CFHR1: variants seen among roughly 807,000 people sequenced by gnomAD.
CFHR1 encodes complement factor H related 1.
A neutral mutation model predicts 30.4 loss-of-function variants in CFHR1; 22 were observed. That is an observed-to-expected ratio of 0.72 (90% CI 0.52 to 1.03). CFHR1 has a LOEUF of 1.03. CFHR1 is among the 50% of genes least tolerant of loss of function. The pLI is 0.00. For missense variants in CFHR1, 248 were observed against 380.6 expected (o/e 0.65, Z 2.90); for synonymous variants, 95 against 129.1 (o/e 0.74, Z 1.79).
Position 196,828,114 on chromosome 1 carries a change from C to CAG in CFHR1, c.475_476insAG (p.Leu159GlnfsTer6), listed in dbSNP as rs1558214959. 1.1e-5 allele frequency: 14 copies of CAG among 1,263,046 alleles called. No homozygotes were observed. Among genetic ancestry groups the CAG allele is most frequent in the Admixed American group, 8.7e-5 (4 of 45,950 alleles). The allele number at this position is 1,263,046 out of a possible 1,614,324, so 78.2% of individuals were successfully genotyped here. On this transcript the variant is annotated frameshift_variant, in exon 4 of 6. Coordinates refer to ENST00000320493, the MANE Select transcript of CFHR1 (RefSeq NM_002113.3). LOFTEE classifies it high-confidence loss of function. ...GCCCACAGTACAAAATGCTCATATA[C>CAG]TGTCGAGACAGATGAGTAAATATCC...
intron 4 of CFHR1, among the ~76,000 whole-genome samples, chr1:196,829,569 T>G (rs1429553916): frequency 7.4e-6 from 1 of 134,540 alleles, no homozygotes. Flanking sequence ...CCTTTACTTG[T>G]AAAAGATCGT....
rs769853519 is a variant in CFHR1 at position 196,827,596 on chromosome 1, T to G, written c.431-474T>G. On this transcript the variant is annotated intron_variant, in intron 3 of 5. Coordinates refer to ENST00000320493, the MANE Select transcript of CFHR1 (RefSeq NM_002113.3). ...TTTTCAAAATGTGTTTTTAAATCTT[T>G]GCTTATTCACTAAGAAAATGCCTAT... 1.5e-5 allele frequency among the ~76,000 whole-genome samples: 2 copies of G among 136,212 alleles called. 1 individual carries two copies. The highest frequency in any genetic ancestry group is 6.2e-5 in the African/African-American group (2 of 32,090). 89.4% of individuals were successfully genotyped at this position (136,212 alleles called of 152,430 possible). A position where few individuals can be genotyped will look rare whatever the true frequency, so the allele number is the denominator to read the frequency against.
intron 4 of CFHR1, among the ~76,000 whole-genome samples, chr1:196,830,266 C>A (rs1407859575): frequency 3.0e-5 from 4 of 134,868 alleles, no homozygotes; most frequent in Non-Finnish European, 6.2e-5. Flanking sequence ...TCCTGATCTA[C>A]CATAAGCAGC....
chr1:196,823,343 G>A (rs554204235), intron 1 of CFHR1, among the ~76,000 whole-genome samples: 2 of 134,572 alleles, frequency 1.5e-5, no homozygotes, highest in Non-Finnish European at 3.1e-5. Context: ...AATGGTTGAT[G>A]AAAACCAAGT....
intron 5 of CFHR1, 128 bp downstream of exon 5, chr1:196,830,810 CT>C: frequency 2.3e-6 from 3 of 1,283,214 alleles, no homozygotes; most frequent in Non-Finnish European, 3.2e-6. Flanking sequence ...CCAAAAATTT[CT>C]TTTAGAAAGT....
Position 196,828,762 on chromosome 1 carries a change from T to C in CFHR1, c.607+516T>C, listed in dbSNP as rs1161206192. 1.6e-5 allele frequency among the ~76,000 whole-genome samples: 2 copies of C among 129,028 alleles called. 1 individual carries two copies. 84.6% of individuals were successfully genotyped at this position (129,028 alleles called of 152,430 possible). A position where few individuals can be genotyped will look rare whatever the true frequency, so the allele number is the denominator to read the frequency against. On this transcript the variant is annotated intron_variant, in intron 4 of 5. Coordinates refer to ENST00000320493, the MANE Select transcript of CFHR1 (RefSeq NM_002113.3). Reference sequence around the variant, plus strand: ...CCAGAAAAGGAAATTGTATCTTACTTACCTTTATGTTTTAAAATTAATGTT... The same window carrying C: ...CCAGAAAAGGAAATTGTATCTTACTCACCTTTATGTTTTAAAATTAATGTT...
At chr1:196,824,071 C>T (rs1655226279) in intron 1 of CFHR1, among the ~76,000 whole-genome samples, 1 of 133,390 alleles carries the variant, frequency 7.5e-6, no homozygotes, top group Non-Finnish European at 1.6e-5. Flanking sequence ...ATATCTTGCA[C>T]CATAGTGTGT....
rs1655157919 is a variant in CFHR1, at chr1:196,822,562, T to G, written c.58+2660T>G. On this transcript the variant is annotated intron_variant, in intron 1 of 5. Transcript: ENST00000320493. ...TTAAAAACAGACACAAACACACACA[T>G]TAACCTCGGCCTACAAAGAGTCAGG... Among the ~76,000 whole-genome samples, 2 of 133,490 alleles carry G rather than the reference T, an allele frequency of 1.5e-5. 1 individual carries two copies. The highest frequency in any genetic ancestry group is 5.2e-4 in the South Asian group (2 of 3,826). The allele number at this position is 133,490 out of a possible 152,430, so 87.6% of individuals were successfully genotyped here. A position where few individuals can be genotyped will look rare whatever the true frequency, so the allele number is the denominator to read the frequency against.
intron 1 of CFHR1, among the ~76,000 whole-genome samples, chr1:196,824,160 C>A (rs1655230929): frequency 7.4e-6 from 1 of 134,784 alleles, no homozygotes; most frequent in Non-Finnish European, 1.6e-5. Flanking sequence ...CCACCCCCAG[C>A]AGATACCAAA....
At chr1:196,828,804 T>C (rs1655437299) in intron 4 of CFHR1, among the ~76,000 whole-genome samples, 1 of 132,622 alleles carries the variant, frequency 7.5e-6, no homozygotes, top group Non-Finnish European at 1.6e-5. Flanking sequence ...TGTTTTTTTT[T>C]TTTTTTCACT....
At chr1:196,823,801 C>A (rs750369727) in intron 1 of CFHR1, among the ~76,000 whole-genome samples, 1 of 134,590 alleles carries the variant, frequency 7.4e-6, no homozygotes, top group Non-Finnish European at 1.6e-5. Context: ...ACCCATAGAA[C>A]GTACAACATC....
chr1:196,826,170 G>GA (rs1296922689), intron 2 of CFHR1: 10 of 136,992 alleles, frequency 7.3e-5, no homozygotes, highest in East Asian at 3.8e-4. Flanking sequence ...TGTATTAAAA[G>GA]AAAAAAAAAT....
At chr1:196,829,605 G>C (rs1475560072) in intron 4 of CFHR1, among the ~76,000 whole-genome samples, 1 of 134,774 alleles carries the variant, frequency 7.4e-6, no homozygotes, top group Non-Finnish European at 1.6e-5. Flanking sequence ...ATTTGGAGTT[G>C]ACAGTTCTTT....
Position 196,830,229 on chromosome 1 carries a change from G to T in CFHR1, c.608-271G>T, listed in dbSNP as rs566291635. Among the ~76,000 whole-genome samples, 5 of 135,284 alleles carry T rather than the reference G, an allele frequency of 3.7e-5. No homozygotes were observed. The East Asian group carries it at 9.8e-4, about 27-fold the overall frequency. The allele number at this position is 135,284 out of a possible 152,430, so 88.8% of individuals were successfully genotyped here. A position where few individuals can be genotyped will look rare whatever the true frequency, so the allele number is the denominator to read the frequency against. ...TGTCATAGTTTTCTATGTTTAGCATGTATTCATTCGGAAAGATATTTCTTA... is the reference window on the plus strand; with the variant it reads ...TGTCATAGTTTTCTATGTTTAGCATTTATTCATTCGGAAAGATATTTCTTA... On this transcript the variant is annotated intron_variant, in intron 4 of 5. Coordinates refer to ENST00000320493, the MANE Select transcript of CFHR1 (RefSeq NM_002113.3).
intron 1 of CFHR1, among the ~76,000 whole-genome samples, chr1:196,822,417 T>C (rs775894195): frequency 7.7e-6 from 1 of 130,496 alleles, no homozygotes; most frequent in Non-Finnish European, 1.6e-5. Context: ...TCTTTCGAGA[T>C]AATATTTAGC....
chr1:196,830,418 G>C lies in CFHR1; in HGVS notation c.608-82G>C, dbSNP rs181715360. 9 of 1,361,368 alleles carry C rather than the reference G, an allele frequency of 6.6e-6. No individual in the cohort carries two copies. The East Asian group carries it at 1.8e-4, about 27-fold the overall frequency. The allele number at this position is 1,361,368 out of a possible 1,614,324, so 84.3% of individuals were successfully genotyped here. On this transcript the variant is annotated intron_variant, in intron 4 of 5. Transcript: ENST00000320493. Reference sequence around the variant, plus strand: ...CAAAACTGTTGATATTATATAAAGTGCTGTGTTTGTATTTGCCTTATTTGA... The same window carrying C: ...CAAAACTGTTGATATTATATAAAGTCCTGTGTTTGTATTTGCCTTATTTGA...
Position 196,831,938 on chromosome 1 carries a change from A to C in CFHR1, c.932A>C (p.His311Pro). 6.6e-7 allele frequency: 1 copy of C among 1,525,346 alleles called. No homozygotes were observed. Among genetic ancestry groups the C allele is most frequent in the Non-Finnish European group, 8.9e-7 (1 of 1,129,022 alleles). The allele number at this position is 1,525,346 out of a possible 1,614,324, so 94.5% of individuals were successfully genotyped here. A position where few individuals can be genotyped will look rare whatever the true frequency, so the allele number is the denominator to read the frequency against. The change falls in exon 6 of 6, where the codon CAC becomes CCC. Residue 311 changes from histidine to proline, a missense_variant. Coordinates refer to ENST00000320493, the MANE Select transcript of CFHR1 (RefSeq NM_002113.3). ...GGATATCGTCTTTCATCACGTTCTC[A>C]CACATTGCGAACAACATGTTGGGAT... ...KRGYRLSSRS[H>P]TLRTTCWDGK...
intron 4 of CFHR1, among the ~76,000 whole-genome samples, chr1:196,829,912 G>T: frequency 7.5e-6 from 1 of 132,498 alleles, no homozygotes; most frequent in Non-Finnish European, 1.6e-5. Context: ...TTCTTTTTCT[G>T]CATCTGCATT....
In CFHR1 at chr1:196,831,999, G is replaced by A; in HGVS notation, c.993G>A (p.Ter331=). 6.6e-7 allele frequency: 1 copy of A among 1,520,894 alleles called. No homozygotes were observed. Among genetic ancestry groups the A allele is most frequent in the Non-Finnish European group, 8.9e-7 (1 of 1,125,110 alleles). 94.2% of individuals were successfully genotyped at this position (1,520,894 alleles called of 1,614,324 possible). ...AGTATCCAACTTGTGCAAAAAGATA[G>A]AATCAATCATAAAATGCACACCTTT... The part of the protein sequence containing the change: ...KLEYPTCAKR[*] Residue 331 remains the stop codon, a stop_retained_variant, in exon 6 of 6, where the codon TAG becomes TAA. Coordinates refer to ENST00000320493, the MANE Select transcript of CFHR1 (RefSeq NM_002113.3).
Sources: allele counts gnomAD v4.1 joint callset (sites outside exome capture counted in the v4.1 genomes callset), GRCh38; gene constraint gnomAD v4.1.1; transcripts MANE v1.5; gene names NCBI Gene and HGNC (gene_info 2026-07-23, HGNC 2026-07-21).